Variants in CNOT6L observed in about 807,000 individuals in gnomAD.
CNOT6L encodes CCR4-NOT transcription complex subunit 6 like.
A neutral mutation model predicts 64.0 loss-of-function variants in CNOT6L; 7 were observed. The ratio of observed to expected loss-of-function variants is 0.11; its 90% CI spans 0.06 to 0.21. The LOEUF (loss-of-function observed/expected upper bound fraction) is 0.21. CNOT6L is among the 10% of genes least tolerant of loss of function. The pLI, the probability that CNOT6L is intolerant of heterozygous loss-of-function variation, is 1.00. For missense variants in CNOT6L, 245 were observed against 669.0 expected (o/e 0.37, Z 6.99); for synonymous variants, 193 against 243.4 (o/e 0.79, Z 1.93).
intron 5 of CNOT6L, among the ~76,000 whole-genome samples, chr4:77,750,185 G>A (rs1560587626): frequency 6.6e-6 from 1 of 152,256 alleles, no homozygotes; most frequent in Admixed American, 6.5e-5. Flanking sequence ...ATTTTTGTAT[G>A]TAAATGCCTA....
Position 77,790,679 on chromosome 4 carries a change from G to A in CNOT6L, c.6-14287C>T, listed in dbSNP as rs147546655. Among the ~76,000 whole-genome samples, 20 of 152,074 alleles carry A rather than the reference G, an allele frequency of 1.3e-4. No homozygotes were observed. In the East Asian group the frequency reaches 3.9e-3, roughly 29 times the overall value. On this transcript the variant is annotated intron_variant, in intron 1 of 11. Coordinates refer to ENST00000504123, the MANE Select transcript of CNOT6L (RefSeq NM_144571.3). ...AATAAAAAGGCATTTGACTATATTTGAAGATATGCAAAAAACTTTCCCCAC... is the reference window on the plus strand; with the variant it reads ...AATAAAAAGGCATTTGACTATATTTAAAGATATGCAAAAAACTTTCCCCAC...
rs369517465 is a variant in CNOT6L at position 77,741,983 on chromosome 4, A to G, written c.872+158T>C. ...CAATAAATATCCTTATTTCGAATAC[A>G]CAGCCTGAGAAATGAAACATTAACA... On this transcript the variant is annotated intron_variant, in intron 8 of 11. Transcript: ENST00000504123. Among the ~76,000 whole-genome samples the G allele has an allele frequency of 2.8e-4, 42 of 152,318 alleles. 1 individual carries two copies. The East Asian group carries it at 7.7e-3, about 28-fold the overall frequency.
chr4:77,796,766 T>A (rs1005726403), intron 1 of CNOT6L, among the ~76,000 whole-genome samples: 3 of 151,868 alleles, frequency 2.0e-5, no homozygotes, highest in African/African-American at 4.8e-5. Flanking sequence ...CAAACATACA[T>A]GGTCAATTAA....
At chr4:77,776,950 GCAA>G (rs1485871106) in intron 1 of CNOT6L, among the ~76,000 whole-genome samples, 1 of 152,122 alleles carries the variant, frequency 6.6e-6, no homozygotes, top group Non-Finnish European at 1.5e-5. Flanking sequence ...TGGCAGCCAC[GCAA>G]CAACGATAAG....
chr4:77,792,586 C>T (rs1730287990), intron 1 of CNOT6L, among the ~76,000 whole-genome samples: 1 of 151,920 alleles, frequency 6.6e-6, no homozygotes, highest in Non-Finnish European at 1.5e-5. Flanking sequence ...ATTAGCTGGG[C>T]ATGGCGGCAT....
At chr4:77,764,715 G>A (rs949500960) in intron 4 of CNOT6L, among the ~76,000 whole-genome samples, 27 of 152,064 alleles carry the variant, frequency 1.8e-4, no homozygotes, top group Non-Finnish European at 8.8e-5. Flanking sequence ...GTCAGAACTC[G>A]GAATTATGAA....
chr4:77,819,543 A>G, upstream of CNOT6L: 1 of 548,774 alleles, frequency 1.8e-6, no homozygotes, highest in Non-Finnish European at 2.7e-6. Context: ...GCGGGCGCGC[A>G]GGGAACCCGG....
At chr4:77,789,392 C>T (rs905484717) in intron 1 of CNOT6L, among the ~76,000 whole-genome samples, 1 of 151,750 alleles carries the variant, frequency 6.6e-6, no homozygotes, top group Non-Finnish European at 1.5e-5. Flanking sequence ...GACCTTTTAG[C>T]CAAAGGGGAA....
intron 2 of CNOT6L, 65 bp from the exon 3 acceptor site, chr4:77,774,781 C>G (rs187519070): frequency 1.9e-6 from 2 of 1,051,506 alleles, no homozygotes; most frequent in African/African-American, 1.7e-5. Context: ...TAAACTACAA[C>G]GACTGAAAAG....
At chr4:77,768,831 CTG>C (rs1333216198) in intron 4 of CNOT6L, among the ~76,000 whole-genome samples, 1 of 151,866 alleles carries the variant, frequency 6.6e-6, no homozygotes, top group Non-Finnish European at 1.5e-5. Flanking sequence ...AAAATGAAAA[CTG>C]TATTATTTTG....
At chr4:77,787,034 G>A (rs1281615156) in intron 1 of CNOT6L, among the ~76,000 whole-genome samples, 1 of 152,026 alleles carries the variant, frequency 6.6e-6, no homozygotes, top group Non-Finnish European at 1.5e-5. Context: ...GGGAGGCCAA[G>A]GTGGGCGGAT....
At chr4:77,741,593 A>C (rs1723596528) in intron 8 of CNOT6L, among the ~76,000 whole-genome samples, 2 of 152,124 alleles carry the variant, frequency 1.3e-5, no homozygotes, top group South Asian at 4.1e-4. Flanking sequence ...ATGATATTGC[A>C]ATTGTCTTAT....
chr4:77,731,274 C>A, intron 9 of CNOT6L, 113 bp downstream of exon 9: 2 of 959,496 alleles, frequency 2.1e-6, no homozygotes, highest in South Asian at 3.2e-5. Flanking sequence ...TAACTTTCCT[C>A]AAAAGAAAAT....
chr4:77,766,500 C>T (rs1328798800), intron 4 of CNOT6L, among the ~76,000 whole-genome samples: 1 of 150,344 alleles, frequency 6.7e-6, no homozygotes, highest in Non-Finnish European at 1.5e-5. Flanking sequence ...ATCCTAGAGT[C>T]AGTGCATTAA....
intron 1 of CNOT6L, among the ~76,000 whole-genome samples, chr4:77,805,328 A>T (rs1732092284): frequency 6.6e-6 from 1 of 152,216 alleles, no homozygotes. Flanking sequence ...GTACATTACT[A>T]TGACAAAAAT....
At chr4:77,760,606 GCA>G (rs1035004482) in intron 4 of CNOT6L, among the ~76,000 whole-genome samples, 29 of 151,214 alleles carry the variant, frequency 1.9e-4, no homozygotes, top group African/African-American at 3.9e-4. Context: ...TCAAAGCGTG[GCA>G]CAGTTTGAAA....
At chr4:77,814,364 G>T (rs1164134616) in intron 1 of CNOT6L, among the ~76,000 whole-genome samples, 1 of 151,930 alleles carries the variant, frequency 6.6e-6, no homozygotes, top group Non-Finnish European at 1.5e-5. Context: ...ATACTTCTAA[G>T]GTATCTAAAT....
intron 8 of CNOT6L, among the ~76,000 whole-genome samples, chr4:77,733,445 G>A (rs942033186): frequency 1.3e-5 from 2 of 152,070 alleles, no homozygotes; most frequent in African/African-American, 4.8e-5. Flanking sequence ...TTTCCAAAAT[G>A]TTAAAACTTG....
chr4:77,769,516 C>A (rs921782060), intron 4 of CNOT6L, among the ~76,000 whole-genome samples: 1 of 152,098 alleles, frequency 6.6e-6, no homozygotes, highest in South Asian at 2.1e-4. Flanking sequence ...CTGGTACGAA[C>A]TATTAATATG....
Sources: gnomAD v4.1 joint callset for allele counts (sites outside exome capture counted in the v4.1 genomes callset) on GRCh38, gnomAD v4.1.1 for gene constraint, MANE v1.5 for transcripts, NCBI Gene and HGNC (gene_info 2026-07-23, HGNC 2026-07-21) for gene names.